Variants in PKN2 observed in about 807,000 individuals in gnomAD.
The protein encoded by PKN2 is protein kinase N2.
PKN2 carries 38 observed loss-of-function variants against 119.1 expected under a neutral mutation model. The observed-to-expected ratio is 0.32, with a 90% CI of 0.25 to 0.42. The LOEUF (loss-of-function observed/expected upper bound fraction) is 0.42. Among genes scored for constraint, PKN2 ranks in the 10% least tolerant of loss-of-function variants. The pLI, the probability that PKN2 is intolerant of heterozygous loss-of-function variation, is 1.00. For missense variants in PKN2, 850 were observed against 1,165.1 expected, an observed-to-expected ratio of 0.73 and a Z score of 3.94; for synonymous variants, 390 against 384.9, an observed-to-expected ratio of 1.01 and a Z score of -0.15.
At chr1:88,712,569 T>G (rs994452551) in intron 1 of PKN2, among the ~76,000 whole-genome samples, 8 of 152,312 alleles carry the variant, frequency 5.3e-5, no homozygotes, top group Non-Finnish European at 1.2e-4. Flanking sequence ...TTATTAAGAA[T>G]GTAATGATGT....
intron 18 of PKN2, among the ~76,000 whole-genome samples, chr1:88,827,427 C>T (rs1012408253): frequency 2.6e-5 from 4 of 151,762 alleles, no homozygotes; most frequent in African/African-American, 4.8e-5. Flanking sequence ...TCATATATAC[C>T]TTATACATAG....
intron 3 of PKN2, among the ~76,000 whole-genome samples, chr1:88,767,654 C>A (rs1026531466): frequency 6.6e-6 from 1 of 152,032 alleles, no homozygotes; most frequent in Non-Finnish European, 1.5e-5. Context: ...ATATGTAGTC[C>A]GTTGTTGACC....
intron 2 of PKN2, among the ~76,000 whole-genome samples, chr1:88,753,396 T>C (rs1390389038): frequency 6.6e-6 from 1 of 152,210 alleles, no homozygotes; most frequent in Non-Finnish European, 1.5e-5. Context: ...AAAAACTCTT[T>C]CATCTTTGTC....
rs1291369233 is a variant in PKN2 at position 88,807,556 on chromosome 1, A to G, written c.1962A>G (p.Leu654=). ...CTCAGCAAAGGTTTCAGTTTAATCT[A>G]CAAGATTTCAGGTGTTGTGCTGTCT... ...RRSQQRFQFN[L]QDFRCCAVLG... The change falls in exon 14 of 22, where the codon CTA becomes CTG. Residue 654 remains leucine (L), a synonymous_variant. Coordinates refer to ENST00000370521, the MANE Select transcript of PKN2 (RefSeq NM_006256.4). 6.2e-7 allele frequency: 1 copy of G among 1,612,506 alleles called. No homozygotes were observed. The highest frequency in any genetic ancestry group is 8.5e-7 in the Non-Finnish European group (1 of 1,179,002).
At chr1:88,705,890 T>C (rs113975117) in intron 1 of PKN2, among the ~76,000 whole-genome samples, 5 of 152,258 alleles carry the variant, frequency 3.3e-5, no homozygotes, top group African/African-American at 1.2e-4. Flanking sequence ...TTTTGATTAT[T>C]GGTGCTTTTT....
intron 1 of PKN2, among the ~76,000 whole-genome samples, chr1:88,739,400 C>T (rs142326732): frequency 2.6e-5 from 4 of 152,174 alleles, no homozygotes; most frequent in African/African-American, 9.6e-5. Context: ...AAAACCAAGA[C>T]GAGATCCCGT....
chr1:88,726,440 T>A (rs1667900546), intron 1 of PKN2, among the ~76,000 whole-genome samples: 1 of 152,206 alleles, frequency 6.6e-6, no homozygotes, highest in Admixed American at 6.5e-5. Context: ...TGTGATTTTT[T>A]AAATCTTTAT....
intron 1 of PKN2, among the ~76,000 whole-genome samples, chr1:88,731,129 C>T (rs1668129587): frequency 6.6e-6 from 1 of 152,128 alleles, no homozygotes; most frequent in African/African-American, 2.4e-5. Flanking sequence ...ACCTAGAACT[C>T]AATGCATGTT....
chr1:88,827,503 G>A (rs904063838), intron 18 of PKN2, among the ~76,000 whole-genome samples: 1 of 151,368 alleles, frequency 6.6e-6, no homozygotes, highest in Non-Finnish European at 1.5e-5. Context: ...AAGTACTTGC[G>A]GAATTCTCTA....
chr1:88,797,592 A>T (rs551449266), intron 8 of PKN2, among the ~76,000 whole-genome samples: 2 of 150,808 alleles, frequency 1.3e-5, no homozygotes, highest in East Asian at 3.9e-4. Flanking sequence ...CAGTGAGCGG[A>T]GATTGCGCCA....
chr1:88,724,031 G>T (rs1053503800), intron 1 of PKN2, among the ~76,000 whole-genome samples: 2 of 152,128 alleles, frequency 1.3e-5, no homozygotes, highest in Non-Finnish European at 2.9e-5. Flanking sequence ...TTAGAGATTT[G>T]AGAGAGAAGG....
intron 1 of PKN2, among the ~76,000 whole-genome samples, chr1:88,724,147 T>G (rs1667803899): frequency 6.6e-6 from 1 of 152,214 alleles, no homozygotes; most frequent in Non-Finnish European, 1.5e-5. Flanking sequence ...GATAACTATT[T>G]ACTTAAGGAA....
chr1:88,705,437 G>A (rs1666936937), intron 1 of PKN2, among the ~76,000 whole-genome samples: 2 of 152,048 alleles, frequency 1.3e-5, no homozygotes, highest in African/African-American at 4.8e-5. Context: ...GTGCACACCT[G>A]TAATCCCAGC....
At position 88,807,366 on chromosome 1, in the gene PKN2, A is replaced by T; in HGVS notation, c.1857A>T (p.Lys619Asn). ...ATGACAGAAATAGTATACTTCCAAA[A>T]TCTCAATCTGAATACAAGCCTGATA... is the stretch of plus-strand genomic sequence containing the variant. ...IQNDRNSILP[K>N]SQSEYKPDTP... The change falls in exon 13 of 22, where the codon AAA (lysine) becomes AAT (asparagine). Residue 619 changes from lysine (K) to asparagine (N), a missense_variant. By Grantham distance (94) the Lys-to-Asn change is moderately conservative. Transcript: ENST00000370521. The T allele has an allele frequency of 6.3e-7, 1 of 1,598,322 alleles. No individual in the cohort carries two copies. The highest frequency in any genetic ancestry group is 1.3e-5 in the African/African-American group (1 of 74,658).
Position 88,771,677 on chromosome 1 carries a change from T to C in PKN2, c.783T>C (p.Phe261=). 6.2e-7 allele frequency: 1 copy of C among 1,613,794 alleles called. No individual in the cohort carries two copies. The highest frequency in any genetic ancestry group is 8.5e-7 in the Non-Finnish European group (1 of 1,179,742). The part of the protein sequence containing the change: ...RKALSEAQAR[F]NESSQKLDLL... ...CCCTGTGCAAGGCTCAAGCAAGATT[T>C]AATGAATCAAGTCAGAAGTTGGACC... The change falls in exon 6 of 22, where the codon TTT becomes TTC. Residue 261 remains phenylalanine (F), a synonymous_variant. Transcript: ENST00000370521.
rs79471538 is a variant in PKN2, at chr1:88,754,381, A to G, written c.350-5841A>G. On this transcript the variant is annotated intron_variant, in intron 2 of 21. Transcript: ENST00000370521. ...ACAAATCTTAGCACTCAAGATGCTT[A>G]TAGTCGCAGAGGAAAAACAGATGTG... Among the ~76,000 whole-genome samples, 655 of 152,312 alleles carry G rather than the reference A, an allele frequency of 4.3e-3. 1 individual carries two copies. The highest frequency in any genetic ancestry group is 0.015 in the African/African-American group (610 of 41,564).
intron 1 of PKN2, among the ~76,000 whole-genome samples, chr1:88,710,615 C>T (rs952215912): frequency 1.3e-5 from 2 of 152,250 alleles, no homozygotes; most frequent in East Asian, 3.9e-4. Context: ...CCATCTAAGA[C>T]TAGCCAGAAT....
In PKN2 at chr1:88,780,167, A is replaced by G. The variant is rs191736535; in HGVS notation, c.986-4472A>G. ...AAACTGATTCCAAAGCTTTAGAGTT[A>G]TACAGTGCCCAAAAAGAAGTAATCT... is the stretch of plus-strand genomic sequence containing the variant. On this transcript the variant is annotated intron_variant, in intron 6 of 21. Coordinates refer to ENST00000370521, the MANE Select transcript of PKN2 (RefSeq NM_006256.4). Among the ~76,000 whole-genome samples, 171 of 152,332 alleles carry G rather than the reference A, an allele frequency of 1.1e-3. 1 individual carries two copies. In the Middle Eastern group the frequency reaches 0.014, roughly 12 times the overall value.
intron 2 of PKN2, among the ~76,000 whole-genome samples, chr1:88,757,963 C>A (rs1178685129): frequency 6.9e-6 from 1 of 144,688 alleles, no homozygotes; most frequent in Non-Finnish European, 1.5e-5. Flanking sequence ...ATTGCTTGAA[C>A]CCAGGAGGCG....
Sources: gnomAD v4.1 joint callset for allele counts (sites outside exome capture counted in the v4.1 genomes callset) on GRCh38, gnomAD v4.1.1 for gene constraint, MANE v1.5 for transcripts, NCBI Gene and HGNC (gene_info 2026-07-23, HGNC 2026-07-21) for gene names.